Variants in ARHGEF3 observed in about 807,000 individuals in gnomAD.
ARHGEF3 encodes 59.8 kDA protein.
ARHGEF3 carries 28 observed loss-of-function variants against 63.2 expected under a neutral mutation model. The observed-to-expected ratio is 0.44, with a 90% confidence interval of 0.33 to 0.61. The LOEUF is 0.61. Ranked by LOEUF, ARHGEF3 falls within the 20% of genes least tolerant of loss-of-function variation. The pLI, the probability that ARHGEF3 is intolerant of heterozygous loss-of-function variation, is 0.03. For synonymous variants in ARHGEF3, 266 were observed against 254.2 expected (o/e 1.05, Z -0.44); for missense variants, 533 against 659.3 (o/e 0.81, Z 2.10).
intron 1 of ARHGEF3, among the ~76,000 whole-genome samples, chr3:56,785,160 C>G (rs189694435): frequency 1.3e-5 from 2 of 152,148 alleles, no homozygotes; most frequent in South Asian, 4.1e-4. Context: ...AATAACTGCT[C>G]TGGCCACTGA....
At chr3:56,828,665 T>G (rs557636842) in intron 4 of ARHGEF3, among the ~76,000 whole-genome samples, 3 of 152,174 alleles carry the variant, frequency 2.0e-5, no homozygotes, top group Non-Finnish European at 4.4e-5. Flanking sequence ...ATACCCAGAG[T>G]TGCCATAGTT....
intron 4 of ARHGEF3, among the ~76,000 whole-genome samples, chr3:56,868,357 G>A (rs927398538): frequency 7.3e-6 from 1 of 136,902 alleles, no homozygotes. Flanking sequence ...TTCTTTTTTT[G>A]TTTGTTTTTT....
At chr3:56,999,884 T>A (rs1702121834) in intron 2 of ARHGEF3, among the ~76,000 whole-genome samples, 1 of 152,212 alleles carries the variant, frequency 6.6e-6, no homozygotes, top group Non-Finnish European at 1.5e-5. Context: ...ATAGTAGGCA[T>A]GTAATTATGA....
At chr3:56,942,929 T>C (rs908336398) in intron 3 of ARHGEF3, among the ~76,000 whole-genome samples, 4 of 152,200 alleles carry the variant, frequency 2.6e-5, no homozygotes, top group Non-Finnish European at 5.9e-5. Flanking sequence ...TTCAATTCTA[T>C]GAAGGTGAGA....
At chr3:56,801,953 C>A (rs770921209), upstream of ARHGEF3, 1 of 1,527,774 alleles carries the variant, frequency 6.5e-7, no homozygotes, top group Non-Finnish European at 8.8e-7. Context: ...CTCGACTGGG[C>A]TCCGGAGCCG....
intron 6 of ARHGEF3, among the ~76,000 whole-genome samples, chr3:56,746,769 A>G (rs2034415239): frequency 6.6e-6 from 1 of 152,090 alleles, no homozygotes; most frequent in Non-Finnish European, 1.5e-5. Context: ...TAAATAAAGT[A>G]TGGCAGCATC....
chr3:56,965,613 T>C (rs13082999), intron 2 of ARHGEF3, among the ~76,000 whole-genome samples: 53,720 of 151,396 alleles, frequency 0.35, 11,664 homozygotes, highest in Non-Finnish European at 0.47. Flanking sequence ...TAATGTTTAT[T>C]GATAAGGAAG....
intron 3 of ARHGEF3, among the ~76,000 whole-genome samples, chr3:56,928,566 C>T (rs546009994): frequency 6.6e-6 from 1 of 152,184 alleles, no homozygotes; most frequent in African/African-American, 2.4e-5. Flanking sequence ...ACAATTACTG[C>T]AGACAACAAT....
intron 1 of ARHGEF3, among the ~76,000 whole-genome samples, chr3:56,782,576 T>C (rs1471835560): frequency 6.6e-6 from 1 of 152,062 alleles, no homozygotes; most frequent in African/African-American, 2.4e-5. Context: ...GATTTCCTTT[T>C]TGATAAAATG....
chr3:56,923,750 G>T (rs1020261172), intron 3 of ARHGEF3, among the ~76,000 whole-genome samples: 16 of 152,256 alleles, frequency 1.1e-4, no homozygotes, highest in Admixed American at 9.8e-4. Flanking sequence ...AGTGAAAGTG[G>T]TTTTTTGTTT....
intron 4 of ARHGEF3, among the ~76,000 whole-genome samples, chr3:56,858,079 T>C (rs1034217548): frequency 6.6e-5 from 10 of 151,632 alleles, no homozygotes; most frequent in Admixed American, 1.3e-4. Context: ...CCCATCTCTA[T>C]AAAAAAATAC....
chr3:57,019,950 G>A (rs992480448), intron 2 of ARHGEF3, among the ~76,000 whole-genome samples: 4 of 152,152 alleles, frequency 2.6e-5, no homozygotes, highest in African/African-American at 9.7e-5. Context: ...CCAGGCTGGA[G>A]TACAATGGTG....
chr3:56,788,630 T>C (rs534435082), intron 1 of ARHGEF3, among the ~76,000 whole-genome samples: 1 of 152,112 alleles, frequency 6.6e-6, no homozygotes, highest in East Asian at 1.9e-4. Context: ...TCCACCCTCA[T>C]CTGCTTGCCT....
intron 2 of ARHGEF3, among the ~76,000 whole-genome samples, chr3:57,006,615 C>A (rs571591138): frequency 6.6e-6 from 1 of 152,176 alleles, no homozygotes; most frequent in African/African-American, 2.4e-5. Context: ...CCACCCACCC[C>A]CAACAGGCAG....
At position 56,856,956 on chromosome 3, in the gene ARHGEF3, T is replaced by C. The variant is rs375122031; in HGVS notation, c.192+25336A>G. Among the ~76,000 whole-genome samples the C allele has an allele frequency of 2.4e-3, 372 of 152,172 alleles. 2 individuals carry two copies. Among genetic ancestry groups the C allele is most frequent in the Non-Finnish European group, 3.0e-3 (203 of 67,994 alleles). ...CACACACTCTCCATTTAAAACTAAC[T>C]ATGGAGACCAAAGCCTGTTATATAA... On this transcript the variant is annotated intron_variant, in intron 4 of 12. Transcript: ENST00000338458.
intron 7 of ARHGEF3, among the ~76,000 whole-genome samples, chr3:56,739,130 C>T (rs2107709662): frequency 6.6e-6 from 1 of 152,030 alleles, no homozygotes; most frequent in Admixed American, 6.6e-5. Flanking sequence ...CAATCAGAGG[C>T]AAAATAATGA....
At chr3:56,743,651 A>G (rs1167949337) in intron 7 of ARHGEF3, among the ~76,000 whole-genome samples, 1 of 152,178 alleles carries the variant, frequency 6.6e-6, no homozygotes, top group African/African-American at 2.4e-5. Flanking sequence ...GATTGTTGTT[A>G]CTACTACTTA....
chr3:56,749,706 G>C (rs1233974226), intron 6 of ARHGEF3, among the ~76,000 whole-genome samples: 2 of 152,122 alleles, frequency 1.3e-5, no homozygotes, highest in East Asian at 1.9e-4. Flanking sequence ...TAAGATGAAT[G>C]ATCTCTCTTG....
rs145099692 is a variant in ARHGEF3 at position 56,983,929 on chromosome 3, C to T, written c.63-25040G>A. Among the ~76,000 whole-genome samples the T allele has an allele frequency of 2.9e-3, 317 of 110,570 alleles. 2 individuals are homozygous for T. The highest frequency in any genetic ancestry group is 7.7e-3 in the African/African-American group (238 of 31,062). 72.5% of individuals were successfully genotyped at this position (110,570 alleles called of 152,430 possible). The stretch of plus-strand genomic sequence containing the variant: ...CCAGCCTAGTGACAGAGCGAGACTC[C>T]GTCTCGAGAAAAAAAAAAAAAAAAA... On this transcript the variant is annotated intron_variant, in intron 2 of 12. Transcript: ENST00000338458.
Sources: gnomAD v4.1 joint callset for allele counts (sites outside exome capture counted in the v4.1 genomes callset) on GRCh38, gnomAD v4.1.1 for gene constraint, MANE v1.5 for transcripts, NCBI Gene and HGNC (gene_info 2026-07-23, HGNC 2026-07-21) for gene names.